The following CEP72 variants were observed in gnomAD, a reference collection of about 807,000 sequenced individuals.
CEP72 encodes centrosomal protein 72.
In CEP72, 78 loss-of-function variants were observed where a neutral mutation model predicts 65.7. The ratio of observed to expected loss-of-function variants is 1.19; its 90% confidence interval spans 0.99 to 1.43. The LOEUF (loss-of-function observed/expected upper bound fraction) is 1.43. CEP72 is among the 40% of genes most tolerant of loss of function. CEP72 has a pLI of 0.00. For synonymous variants in CEP72, 358 were observed against 351.7 expected (o/e 1.02, Z -0.20); for missense variants, 914 against 832.9 (o/e 1.10, Z -1.20).
At position 624,721 on chromosome 5, in the gene CEP72, G is replaced by A. The variant is rs1210252589; in HGVS notation, c.512+142G>A. On this transcript the variant is annotated intron_variant, in intron 4 of 11. Coordinates refer to ENST00000264935, the MANE Select transcript of CEP72 (RefSeq NM_018140.4). The surrounding 1 kb of genome is among the most constrained non-coding windows in gnomAD (Gnocchi z 4.7). ...GGAGGAAGGGCAGAGCCTGCCTGGCGGGGACTCCGTGGACAGTGGGACGGG... is the reference window on the plus strand; with the variant it reads ...GGAGGAAGGGCAGAGCCTGCCTGGCAGGGACTCCGTGGACAGTGGGACGGG... 4.3e-5 allele frequency: 29 copies of A among 672,562 alleles called. No homozygotes were observed. The highest frequency in any genetic ancestry group is 1.7e-4 in the South Asian group (10 of 59,318). The allele number at this position is 672,562 out of a possible 1,614,324, so 41.7% of individuals were successfully genotyped here.
chr5:669,580 G>T (rs1042888692), downstream of CEP72, among the ~76,000 whole-genome samples: 5 of 152,154 alleles, frequency 3.3e-5, no homozygotes, highest in African/African-American at 1.2e-4. Context: ...CTGACTGCCA[G>T]CCTGGTGACC....
chr5:654,501 A>C (rs919889850), downstream of CEP72, among the ~76,000 whole-genome samples: 88 of 152,100 alleles, frequency 5.8e-4, no homozygotes, highest in African/African-American at 1.9e-3. Flanking sequence ...TGGGGAAATC[A>C]GAGGTGGGAC....
the CEP72 span, among the ~76,000 whole-genome samples, chr5:675,121 A>ACAGTGTGGCCAGGGATG: frequency 0.27 from 6,755 of 24,648 alleles, 789 homozygotes; most frequent in African/African-American, 0.52. Context: ...CACGGGGGGT[A>ACAGTGTGGCCAGGGATG]CAGTGTGGCC....
intron 1 of CEP72, among the ~76,000 whole-genome samples, chr5:617,695 G>A (rs1736083249): frequency 6.6e-6 from 1 of 152,156 alleles, no homozygotes; most frequent in African/African-American, 2.4e-5. Context: ...GCTACCTGAG[G>A]AAACAGGGAA....
chr5:622,473 G>A (rs1225370426), intron 3 of CEP72, among the ~76,000 whole-genome samples: 1 of 152,238 alleles, frequency 6.6e-6, no homozygotes, highest in Admixed American at 6.5e-5. Context: ...AGGCACTCAG[G>A]GCGTCTGTGT....
chr5:637,348 A>G (rs898859899), intron 6 of CEP72, among the ~76,000 whole-genome samples, 169 bp from the exon 7 acceptor site: 1 of 152,084 alleles, frequency 6.6e-6, no homozygotes. Context: ...GTGCAGGTGT[A>G]TGGATGTATG....
At chr5:658,645 A>ATTTTTTTTTTT (rs70955278), downstream of CEP72, among the ~76,000 whole-genome samples, 6 of 55,984 alleles carry the variant, frequency 1.1e-4, 2 homozygotes, top group Non-Finnish European at 2.0e-4. Context: ...AGCAAAGCTG[A>ATTTTTTTTTTT]TTTTTTTTTT....
chr5:644,361 G>T lies in CEP72; in HGVS notation c.1602G>T (p.Leu534Phe). The change falls in exon 10 of 12, where the codon TTG (leucine) becomes TTT (phenylalanine). Residue 534 changes from leucine to phenylalanine, a missense_variant. Leu to Phe is a conservative substitution (Grantham distance 22, BLOSUM62 0). Coordinates refer to ENST00000264935, the MANE Select transcript of CEP72 (RefSeq NM_018140.4). ...LEENSRLKSL[L>F]LSMKKEVKSA... is the part of the protein sequence containing the mutation. ...AGAACAGTAGGTTAAAATCGCTTTT[G>T]TTGAGTATGAAAAAGGAAGTGAAGA... is the stretch of plus-strand genomic sequence containing the variant. The T allele has an allele frequency of 6.2e-7, 1 of 1,613,916 alleles. No homozygotes were observed. The highest frequency in any genetic ancestry group is 8.5e-7 in the Non-Finnish European group (1 of 1,179,948).
At position 633,766 on chromosome 5, in the gene CEP72, C is replaced by T. The variant is rs375963778; in HGVS notation, c.513-3C>T. 6.2e-7 allele frequency: 1 copy of T among 1,613,842 alleles called. No individual in the cohort carries two copies. Among genetic ancestry groups the T allele is most frequent in the Non-Finnish European group, 8.5e-7 (1 of 1,179,900 alleles). ...ATGCTGATGAGTTTGCTTTTCCTTACAGACCACACCACCCCAGAGCCAAGT... is the reference window on the plus strand; with the variant it reads ...ATGCTGATGAGTTTGCTTTTCCTTATAGACCACACCACCCCAGAGCCAAGT... On this transcript the variant is annotated splice_polypyrimidine_tract_variant and splice_region_variant and intron_variant, in intron 4 of 11. Transcript: ENST00000264935.
At chr5:613,377 G>T (rs1170105336) in intron 1 of CEP72, among the ~76,000 whole-genome samples, 1 of 145,956 alleles carries the variant, frequency 6.9e-6, no homozygotes, top group Non-Finnish European at 1.5e-5. Flanking sequence ...GATCTGAGCG[G>T]TTTTTTTTTT....
chr5:612,920 A>AG (rs1052570274), intron 1 of CEP72, among the ~76,000 whole-genome samples: 3 of 152,168 alleles, frequency 2.0e-5, no homozygotes, highest in Admixed American at 6.5e-5. Flanking sequence ...ACTGCTGAGA[A>AG]GTGTTGCCTT....
At position 640,403 on chromosome 5, in the gene CEP72, C is replaced by T. The variant is rs1737928641; in HGVS notation, c.1343-5C>T. On this transcript the variant is annotated splice_polypyrimidine_tract_variant and splice_region_variant and intron_variant, in intron 8 of 11. Transcript: ENST00000264935. ...GCTAATGTAATATTTGGTTTTCACT[C>T]CTAGCTCAGGCAAGACACATCTTGT... 3.1e-6 allele frequency: 5 copies of T among 1,611,390 alleles called. No individual in the cohort carries two copies. Among genetic ancestry groups the T allele is most frequent in the South Asian group, 1.1e-5 (1 of 90,784 alleles).
rs1312691432 is a variant in CEP72 at position 637,930 on chromosome 5, C to G, written c.1206+112C>G. ...CCTGCGGCACTGACTGTGTCCCTCC[C>G]TGATGCAGGGCTGTTACGGCGGTGC... On this transcript the variant is annotated intron_variant, in intron 7 of 11. Coordinates refer to ENST00000264935, the MANE Select transcript of CEP72 (RefSeq NM_018140.4). The G allele has an allele frequency of 2.9e-6, 3 of 1,050,710 alleles. No individual in the cohort carries two copies. In the East Asian group the frequency reaches 8.1e-5, roughly 28 times the overall value. 65.1% of individuals were successfully genotyped at this position (1,050,710 alleles called of 1,614,324 possible).
At chr5:616,430 T>C (rs1735993463) in intron 1 of CEP72, among the ~76,000 whole-genome samples, 1 of 152,218 alleles carries the variant, frequency 6.6e-6, no homozygotes, top group Non-Finnish European at 1.5e-5. Flanking sequence ...AAAATCCTTG[T>C]TAGACCTAAG....
At chr5:618,428 A>T (rs1622154) in intron 1 of CEP72, among the ~76,000 whole-genome samples, 1 of 151,476 alleles carries the variant, frequency 6.6e-6, no homozygotes, top group Non-Finnish European at 1.5e-5. Flanking sequence ...CATGTGTTAA[A>T]GTTTGTCTTT....
At chr5:647,996 AC>A in intron 11 of CEP72, 80 bp downstream of exon 11, 1 of 872,912 alleles carries the variant, frequency 1.1e-6, no homozygotes, top group South Asian at 1.5e-5. Context: ...ACTGGGTCAC[AC>A]CCAGAAGGCA....
intron 4 of CEP72, among the ~76,000 whole-genome samples, chr5:625,843 T>C (rs888394875): frequency 6.6e-6 from 1 of 152,198 alleles, no homozygotes; most frequent in Non-Finnish European, 1.5e-5. Context: ...TCTTCCCCTG[T>C]GTCTCTTCAC....
At chr5:659,054 TCTTC>T (rs2126845661), downstream of CEP72, among the ~76,000 whole-genome samples, 2 of 152,386 alleles carry the variant, frequency 1.3e-5, no homozygotes, top group South Asian at 4.1e-4. Context: ...GTTTTTTCCC[TCTTC>T]ACTTTTGCCA....
At chr5:643,206 A>G in intron 9 of CEP72, 1 of 985,394 alleles carries the variant, frequency 1.0e-6, no homozygotes, top group Non-Finnish European at 1.2e-6. Flanking sequence ...CTTTGCCTCA[A>G]AGAAACAAAT....
Sources: gnomAD v4.1 joint callset for allele counts (sites outside exome capture counted in the v4.1 genomes callset) on GRCh38, gnomAD v4.1.1 for gene constraint, Gnocchi (gnomAD v3.1) non-coding constraint, MANE v1.5 for transcripts, NCBI Gene and HGNC (gene_info 2026-07-23, HGNC 2026-07-21) for gene names.